The following CEACAM18 variants were observed in gnomAD, a reference collection of about 807,000 sequenced individuals.
CEACAM18 encodes CEA cell adhesion molecule 18.
CEACAM18 carries 33 observed loss-of-function variants against 34.3 expected under a neutral mutation model. That is an observed-to-expected ratio of 0.96 (90% CI 0.73 to 1.29). The LOEUF is 1.29. CEACAM18 is among the 50% of genes most tolerant of loss of function. The pLI, the probability that CEACAM18 is intolerant of heterozygous loss-of-function variation, is 0.00. For missense variants in CEACAM18, 474 were observed against 485.0 expected (o/e 0.98, Z 0.21); for synonymous variants, 169 against 180.9 (o/e 0.93, Z 0.53).
intron 5 of CEACAM18, among the ~76,000 whole-genome samples, chr19:51,488,828 T>A (rs1335215779): frequency 1.3e-5 from 2 of 152,170 alleles, no homozygotes; most frequent in African/African-American, 4.8e-5. Context: ...ACGGAATGGA[T>A]TCCATCCAGG....
chr19:51,482,407 C>G lies in CEACAM18; in HGVS notation c.674-610C>G, dbSNP rs545781335. ...CACTTTCACGTCTCCTGGAACTACT[C>G]CAGCGGTCTGTCAGATTTCCTAAAG... On this transcript the variant is annotated intron_variant, in intron 3 of 5. Coordinates refer to ENST00000396477, the Ensembl canonical transcript of CEACAM18. 1.2e-3 allele frequency among the ~76,000 whole-genome samples: 180 copies of G among 152,310 alleles called. 1 individual carries two copies. Among genetic ancestry groups the G allele is most frequent in the African/African-American group, 4.1e-3 (169 of 41,560 alleles).
exon 4 of CEACAM18, chr19:51,483,244 C>A (rs562180309): frequency 6.2e-7 from 1 of 1,613,892 alleles, no homozygotes; most frequent in Non-Finnish European, 8.5e-7. Flanking sequence ...TGTGGAGAAC[C>A]CCGTGACACA....
At chr19:51,484,567 CT>C (rs1411640006) in intron 4 of CEACAM18, among the ~76,000 whole-genome samples, 1 of 129,252 alleles carries the variant, frequency 7.7e-6, no homozygotes, top group African/African-American at 2.7e-5. Context: ...GGTGATCCAC[CT>C]TGGGCGAGCT....
At chr19:51,480,395 G>T (rs781620819) in exon 2 of CEACAM18, 1 of 1,612,950 alleles carries the variant, frequency 6.2e-7, no homozygotes, top group Admixed American at 1.7e-5. Context: ...CCAAACCCTG[G>T]GGATCAAGGG....
At chr19:51,479,585 GGGGGGAGCCCAGGAGGAGCT>G (rs1173097954) in intron 1 of CEACAM18, among the ~76,000 whole-genome samples, 4 of 152,158 alleles carry the variant, frequency 2.6e-5, no homozygotes, top group African/African-American at 9.7e-5. Context: ...TGGCTGGGAT[GGGGGGAGCCCAGGAGGAGCT>G]GGGGGAGCCC....
intron 5 of CEACAM18, 61 bp downstream of exon 5, chr19:51,485,183 A>C: frequency 7.0e-7 from 1 of 1,435,710 alleles, no homozygotes; most frequent in Non-Finnish European, 9.2e-7. Flanking sequence ...CTCAGGAGCC[A>C]GCCCTCCCTC....
exon 1 of CEACAM18, chr19:51,478,687 C>T (rs762895473): frequency 6.8e-7 from 1 of 1,461,928 alleles, no homozygotes; most frequent in South Asian, 1.5e-5. Context: ...GGAGGGTCTT[C>T]CTCATGGGTA....
Position 51,478,767 on chromosome 19 carries a change from G to T in CEACAM18, c.52+73G>T, listed in dbSNP as rs1989855090. 10 of 1,153,330 alleles carry T rather than the reference G, an allele frequency of 8.7e-6. No homozygotes were observed. The East Asian group carries it at 3.1e-4, about 35-fold the overall frequency. The allele number at this position is 1,153,330 out of a possible 1,614,324, so 71.4% of individuals were successfully genotyped here. A position where few individuals can be genotyped will look rare whatever the true frequency, so the allele number is the denominator to read the frequency against. ...GCAGCTAGGAGCAAAGCGGCGGGGA[G>T]GGGGCTGGGACCATCCCCATCCACG... On this transcript the variant is annotated intron_variant, in intron 1 of 5. Coordinates refer to ENST00000396477, the Ensembl canonical transcript of CEACAM18.
At chr19:51,483,504 C>T in intron 4 of CEACAM18, 1 of 623,278 alleles carries the variant, frequency 1.6e-6, no homozygotes. Flanking sequence ...GTCAGGGTGA[C>T]TCCCAGGGGG....
chr19:51,479,465 G>A (rs899936490), intron 1 of CEACAM18, among the ~76,000 whole-genome samples: 2 of 152,240 alleles, frequency 1.3e-5, no homozygotes, highest in South Asian at 2.1e-4. Flanking sequence ...GTGCTCAGGG[G>A]CGCTGGGGAC....
intron 5 of CEACAM18, among the ~76,000 whole-genome samples, chr19:51,486,998 A>T (rs978235313): frequency 5.9e-5 from 9 of 152,046 alleles, no homozygotes; most frequent in African/African-American, 2.2e-4. Context: ...CTGGGGTTAC[A>T]GGCATAAGCC....
At chr19:51,485,495 G>A (rs752453392) in intron 5 of CEACAM18, among the ~76,000 whole-genome samples, 7 of 152,142 alleles carry the variant, frequency 4.6e-5, no homozygotes, top group South Asian at 2.1e-4. Flanking sequence ...AGGTATCAGC[G>A]GTGAACTATG....
In CEACAM18 at chr19:51,481,677, G is replaced by A. The variant is rs376159062; in HGVS notation, c.673+12G>A. ...TCTGACTGTGGCCTGTGAGTGGTCT[G>A]GGCTCCTGGGACTGAAGCCAGGGCT... On this transcript the variant is annotated intron_variant, in intron 3 of 5. Transcript: ENST00000396477. The A allele has an allele frequency of 1.9e-6, 3 of 1,604,966 alleles. No individual in the cohort carries two copies. Among genetic ancestry groups the A allele is most frequent in the Non-Finnish European group, 2.6e-6 (3 of 1,173,888 alleles).
intron 5 of CEACAM18, among the ~76,000 whole-genome samples, chr19:51,489,518 A>T (rs1334814304): frequency 6.6e-6 from 1 of 152,098 alleles, no homozygotes; most frequent in East Asian, 1.9e-4. Context: ...CACACAGCAT[A>T]CGTGTATGCG....
rs551497951 is a variant in CEACAM18 at position 51,479,823 on chromosome 19, C to T, written c.53-510C>T. 1.6e-4 allele frequency among the ~76,000 whole-genome samples: 24 copies of T among 152,180 alleles called. 1 individual carries two copies. In the South Asian group the frequency reaches 1.7e-3, roughly 11 times the overall value. On this transcript the variant is annotated intron_variant, in intron 1 of 5. Coordinates refer to ENST00000396477, the Ensembl canonical transcript of CEACAM18. The stretch of plus-strand genomic sequence containing the variant: ...CTATGTAGAGGCCTGGGGCATACAG[C>T]GTGGCAGTCATGTCTTCTGATAAAT...
intron 3 of CEACAM18, 73 bp from the exon 4 acceptor site, chr19:51,482,944 G>A: frequency 6.4e-7 from 1 of 1,557,326 alleles, no homozygotes; most frequent in Non-Finnish European, 8.7e-7. Context: ...CCTCCTGGCT[G>A]GGGGAGGACT....
intron 1 of CEACAM18, 57 bp from the exon 2 acceptor site, chr19:51,480,276 A>G: frequency 7.3e-7 from 1 of 1,362,358 alleles, no homozygotes; most frequent in Non-Finnish European, 1.0e-6. Context: ...TTGTCTTCTC[A>G]GCCAGTCTGA....
At chr19:51,479,579 T>A (rs1989871892) in intron 1 of CEACAM18, among the ~76,000 whole-genome samples, 1 of 152,038 alleles carries the variant, frequency 6.6e-6, no homozygotes, top group Non-Finnish European at 1.5e-5. Flanking sequence ...AGGTCATGGC[T>A]GGGATGGGGG....
At chr19:51,483,322 T>C in intron 4 of CEACAM18, 26 bp downstream of exon 4, 2 of 1,613,182 alleles carry the variant, frequency 1.2e-6, no homozygotes, top group East Asian at 2.2e-5. Flanking sequence ...TCCAGGCTCA[T>C]GCTTTGCACA....
Sources: gnomAD v4.1 joint callset for allele counts (sites outside exome capture counted in the v4.1 genomes callset) on GRCh38, gnomAD v4.1.1 for gene constraint, MANE v1.5 for transcripts, NCBI Gene and HGNC (gene_info 2026-07-23, HGNC 2026-07-21) for gene names.